Variants in LARGE1 observed in about 807,000 individuals in gnomAD.
LARGE1 encodes xylosyl- and glucuronyltransferase LARGE1.
LARGE1 carries 43 observed loss-of-function variants against 87.6 expected under a neutral mutation model. That is an observed-to-expected ratio of 0.49 (90% CI 0.38 to 0.63). The LOEUF (loss-of-function observed/expected upper bound fraction) is 0.63. LARGE1 is among the 30% of genes least tolerant of loss of function. The pLI, the probability that LARGE1 is intolerant of heterozygous loss-of-function variation, is 0.00. For missense variants in LARGE1, 802 were observed against 1,000.2 expected (o/e 0.80, Z 2.67); for synonymous variants, 434 against 394.6 (o/e 1.10, Z -1.18).
At chr22:33,276,767 C>T (rs937628055) in intron 14 of LARGE1, among the ~76,000 whole-genome samples, 7 of 152,182 alleles carry the variant, frequency 4.6e-5, no homozygotes, top group African/African-American at 1.7e-4. Flanking sequence ...GATGAATGGT[C>T]ACATTTGCTT....
At chr22:33,139,215 T>C in the LARGE1 span, among the ~76,000 whole-genome samples, 1 of 152,218 alleles carries the variant, frequency 6.6e-6, no homozygotes, top group East Asian at 1.9e-4. Flanking sequence ...AACAGACTAA[T>C]ACAGGTGGTA....
At chr22:33,303,446 A>G (rs1487494053) in intron 12 of LARGE1, among the ~76,000 whole-genome samples, 2 of 152,132 alleles carry the variant, frequency 1.3e-5, no homozygotes, top group African/African-American at 4.8e-5. Flanking sequence ...GGGGGAGGAA[A>G]TGAGATCCTA....
chr22:33,510,690 C>T (rs916264685), intron 6 of LARGE1, among the ~76,000 whole-genome samples: 8 of 152,222 alleles, frequency 5.3e-5, no homozygotes, highest in African/African-American at 1.9e-4. Flanking sequence ...ATCCTCTCAC[C>T]TCAGCCTCCT....
intron 9 of LARGE1, among the ~76,000 whole-genome samples, chr22:33,366,803 T>C (rs1377153222): frequency 6.6e-6 from 1 of 151,916 alleles, no homozygotes; most frequent in Non-Finnish European, 1.5e-5. Flanking sequence ...GAGAACAGAC[T>C]AATGCACTTT....
chr22:33,671,171 G>C (rs915336294), intron 2 of LARGE1, among the ~76,000 whole-genome samples: 1 of 152,162 alleles, frequency 6.6e-6, no homozygotes, highest in South Asian at 2.1e-4. Flanking sequence ...CCTGAGGCCA[G>C]GGGGAGCTAA....
At chr22:33,106,255 A>G in the LARGE1 span, among the ~76,000 whole-genome samples, 1 of 152,188 alleles carries the variant, frequency 6.6e-6, no homozygotes, top group Non-Finnish European at 1.5e-5. Context: ...GGTGAAGAAG[A>G]CAGGGTTTCT....
intron 5 of LARGE1, among the ~76,000 whole-genome samples, chr22:33,565,439 C>T (rs540139477): frequency 6.6e-6 from 1 of 152,338 alleles, no homozygotes; most frequent in South Asian, 2.1e-4. Context: ...TTCTTTAAAT[C>T]ATATTCCATT....
chr22:33,540,599 A>G (rs1190655148), intron 6 of LARGE1, among the ~76,000 whole-genome samples: 1 of 152,178 alleles, frequency 6.6e-6, no homozygotes, highest in Non-Finnish European at 1.5e-5. Context: ...TTGTTGCAGT[A>G]GCCAGCAGAT....
At chr22:33,873,991 C>T (rs1045573417) in intron 1 of LARGE1, among the ~76,000 whole-genome samples, 1 of 151,966 alleles carries the variant, frequency 6.6e-6, no homozygotes, top group Non-Finnish European at 1.5e-5. Context: ...CTCTCTCCCC[C>T]TCCTCCGTCT....
At chr22:33,658,633 G>T (rs569737156) in intron 2 of LARGE1, among the ~76,000 whole-genome samples, 1 of 152,200 alleles carries the variant, frequency 6.6e-6, no homozygotes, top group South Asian at 2.1e-4. Context: ...CCTTTTTATG[G>T]CTGCATAGTA....
intron 6 of LARGE1, among the ~76,000 whole-genome samples, chr22:33,474,154 TTTTA>T (rs758851487): frequency 5.9e-5 from 9 of 152,164 alleles, no homozygotes; most frequent in South Asian, 2.1e-4. Context: ...AGTCTTTTAT[TTTTA>T]TTTATTTATT....
intron 1 of LARGE1, among the ~76,000 whole-genome samples, chr22:33,891,250 C>G (rs1278001877): frequency 1.3e-5 from 2 of 152,210 alleles, no homozygotes; most frequent in East Asian, 3.9e-4. Flanking sequence ...TCCAATATCT[C>G]CACCACTAAA....
At chr22:33,397,176 C>A (rs2065776498) in intron 7 of LARGE1, among the ~76,000 whole-genome samples, 1 of 152,020 alleles carries the variant, frequency 6.6e-6, no homozygotes, top group Non-Finnish European at 1.5e-5. Flanking sequence ...AGTACAATGG[C>A]TCGATCTCTT....
chr22:33,464,884 CACACACAT>C (rs1247331727), intron 6 of LARGE1, among the ~76,000 whole-genome samples: 5 of 79,076 alleles, frequency 6.3e-5, no homozygotes, highest in East Asian at 3.9e-4. Context: ...CACACACATG[CACACACAT>C]ACACACACAC....
the LARGE1 span, among the ~76,000 whole-genome samples, chr22:33,132,365 G>A: frequency 2.6e-5 from 4 of 151,140 alleles, no homozygotes; most frequent in African/African-American, 4.9e-5. Flanking sequence ...TGTGTTTTTT[G>A]TAGAGACGGG....
chr22:33,746,641 A>G (rs2084096733), intron 2 of LARGE1, among the ~76,000 whole-genome samples: 1 of 152,244 alleles, frequency 6.6e-6, no homozygotes, highest in Non-Finnish European at 1.5e-5. Context: ...TATGCTATAT[A>G]AATGAAGTGC....
intron 2 of LARGE1, among the ~76,000 whole-genome samples, chr22:33,660,107 T>C (rs932379271): frequency 4.0e-5 from 5 of 125,564 alleles, no homozygotes; most frequent in African/African-American, 1.3e-4. Flanking sequence ...TTTTTTTTTT[T>C]TGCCAAATAT....
chr22:33,884,499 C>T (rs1454222112), intron 1 of LARGE1, among the ~76,000 whole-genome samples: 1 of 152,220 alleles, frequency 6.6e-6, no homozygotes, highest in Non-Finnish European at 1.5e-5. Context: ...AAGGCATGTG[C>T]CACATCCAAG....
chr22:33,667,111 A>G (rs1359313815), intron 2 of LARGE1, among the ~76,000 whole-genome samples: 4 of 152,226 alleles, frequency 2.6e-5, no homozygotes, highest in African/African-American at 4.8e-5. Flanking sequence ...ATAATTACTC[A>G]GCCCGGTGCA....
Sources: gnomAD v4.1 joint callset for allele counts (sites outside exome capture counted in the v4.1 genomes callset) on GRCh38, gnomAD v4.1.1 for gene constraint, MANE v1.5 for transcripts, NCBI Gene and HGNC (gene_info 2026-07-23, HGNC 2026-07-21) for gene names.